NKIRAS1: variants seen among roughly 807,000 people sequenced by gnomAD.
NKIRAS1 encodes NF-kappa-B inhibitor-interacting Ras-like protein 1.
A neutral mutation model predicts 19.8 loss-of-function variants in NKIRAS1; 16 were observed. The ratio of observed to expected loss-of-function variants is 0.81; its 90% CI spans 0.55 to 1.23. The LOEUF (loss-of-function observed/expected upper bound fraction) is 1.23, where lower values mean the gene tolerates loss of function less well. NKIRAS1 is among the 50% of genes most tolerant of loss of function. The pLI is 0.00. For synonymous variants in NKIRAS1, 88 were observed against 79.0 expected (o/e 1.11, Z -0.61); for missense variants, 184 against 220.0 (o/e 0.84, Z 1.04).
intron 1 of NKIRAS1, among the ~76,000 whole-genome samples, chr3:23,940,167 C>CAAAAAAA (rs1559517464): frequency 1.0e-4 from 3 of 28,896 alleles, no homozygotes; most frequent in Non-Finnish European, 1.5e-4. Flanking sequence ...CCCATCTCTA[C>CAAAAAAA]CAAAAAAAAA....
chr3:23,893,009 C>G lies in NKIRAS1; in HGVS notation c.*86G>C. ...AGGACCAAAGGTAGATACAAATGGC[C>G]TATTTTAAATAGTAATATTACTCCA... On this transcript the variant is annotated 3_prime_UTR_variant, in exon 5 of 5. Coordinates refer to ENST00000425478, the MANE Select transcript of NKIRAS1 (RefSeq NM_020345.4). 1 of 1,361,330 alleles carries G rather than the reference C, an allele frequency of 7.3e-7. No homozygotes were observed. The highest frequency in any genetic ancestry group is 9.7e-7 in the Non-Finnish European group (1 of 1,026,646). The allele number at this position is 1,361,330 out of a possible 1,614,324, so 84.3% of individuals were successfully genotyped here.
intron 1 of NKIRAS1, among the ~76,000 whole-genome samples, chr3:23,937,268 G>C (rs1431377127): frequency 6.6e-6 from 1 of 152,102 alleles, no homozygotes; most frequent in Admixed American, 6.5e-5. Flanking sequence ...CTACTCGGTA[G>C]GCTGAGGCAC....
intron 1 of NKIRAS1, among the ~76,000 whole-genome samples, chr3:23,941,767 A>T (rs1705501746): frequency 6.6e-6 from 1 of 152,120 alleles, no homozygotes; most frequent in African/African-American, 2.4e-5. Context: ...AGCCTCTACT[A>T]GTTACTTGCA....
exon 1 of NKIRAS1, chr3:23,946,461 C>T (rs1275949880): frequency 8.8e-6 from 2 of 227,332 alleles, no homozygotes; most frequent in African/African-American, 4.7e-5. Context: ...CGACTCCCCG[C>T]AGACTGGGTA....
upstream of NKIRAS1, chr3:23,919,524 C>A (rs202240092): frequency 1.3e-3 from 2,036 of 1,531,472 alleles, 2 homozygotes; most frequent in Non-Finnish European, 1.7e-3. Flanking sequence ...TTGTAAAATT[C>A]ATACTTAATA....
chr3:23,940,090 G>T (rs1006532276), intron 1 of NKIRAS1, among the ~76,000 whole-genome samples: 3 of 151,062 alleles, frequency 2.0e-5, no homozygotes, highest in Non-Finnish European at 4.4e-5. Context: ...TGGCACTTTG[G>T]GAGGCTGAGG....
intron 1 of NKIRAS1, among the ~76,000 whole-genome samples, chr3:23,914,011 C>T (rs1373697209): frequency 6.6e-6 from 1 of 152,178 alleles, no homozygotes; most frequent in African/African-American, 2.4e-5. Flanking sequence ...CAATAAAATT[C>T]AATCTGTGAC....
chr3:23,943,741 T>C (rs1464875057), intron 1 of NKIRAS1, among the ~76,000 whole-genome samples: 1 of 152,152 alleles, frequency 6.6e-6, no homozygotes, highest in Non-Finnish European at 1.5e-5. Flanking sequence ...CAGCATCACA[T>C]GAGGGTGATA....
chr3:23,904,217 T>C (rs1340961841), intron 3 of NKIRAS1, among the ~76,000 whole-genome samples: 1 of 152,210 alleles, frequency 6.6e-6, no homozygotes, highest in African/African-American at 2.4e-5. Context: ...ACTGGTGTCT[T>C]AGTCCATTTG....
rs1176703778 is a variant in NKIRAS1, at chr3:23,891,605, C to G, written c.*1490G>C. ...TAGCAAGTACATGAGAAATGGGTTC[C>G]GTCATGGATAAATTGGTACCCTGCC... On this transcript the variant is annotated 3_prime_UTR_variant, in exon 5 of 5. Coordinates refer to ENST00000425478, the MANE Select transcript of NKIRAS1 (RefSeq NM_020345.4). The G allele has an allele frequency of 1.3e-5, 2 of 152,148 alleles. No individual in the cohort carries two copies. Among genetic ancestry groups the G allele is most frequent in the Non-Finnish European group, 2.9e-5 (2 of 68,038 alleles). The allele number at this position is 152,148 out of a possible 1,614,324, so 9.4% of individuals were successfully genotyped here. A position where few individuals can be genotyped will look rare whatever the true frequency, so the allele number is the denominator to read the frequency against.
chr3:23,942,490 G>C (rs1318543637), intron 1 of NKIRAS1, among the ~76,000 whole-genome samples: 1 of 152,166 alleles, frequency 6.6e-6, no homozygotes, highest in African/African-American at 2.4e-5. Context: ...GGAGTGCAAC[G>C]GCACGATCTC....
intron 3 of NKIRAS1, among the ~76,000 whole-genome samples, chr3:23,909,017 G>A (rs893522178): frequency 6.6e-6 from 1 of 151,890 alleles, no homozygotes; most frequent in African/African-American, 2.4e-5. Flanking sequence ...TTCTAATACA[G>A]TAAATGTTGG....
intron 3 of NKIRAS1, among the ~76,000 whole-genome samples, chr3:23,907,390 G>T (rs1430456366): frequency 6.6e-6 from 1 of 151,998 alleles, no homozygotes; most frequent in Non-Finnish European, 1.5e-5. Context: ...TGATGGGGGG[G>T]CGGTGTTGGC....
Position 23,893,270 on chromosome 3 carries a change from G to A in NKIRAS1, c.404C>T (p.Ala135Val). The change falls in exon 5 of 5, where the codon GCA (alanine) becomes GTA (valine). Residue 135 changes from alanine (A) to valine (V), a missense_variant. Physicochemically the swap from Ala to Val is moderately conservative, Grantham distance 64. Transcript: ENST00000425478. Reference sequence around the variant, plus strand: ...TTTCTCACTTTTTGCCCACTGCTGTGCCACTTCAGCGTCCACTTGTCTCTG... The same window carrying A: ...TTTCTCACTTTTTGCCCACTGCTGTACCACTTCAGCGTCCACTTGTCTCTG... Reference protein sequence around the residue: ...SEQRQVDAEVAQQWAKSEKVR... With the variant: ...SEQRQVDAEVVQQWAKSEKVR... 6.2e-7 allele frequency: 1 copy of A among 1,614,014 alleles called. No individual in the cohort carries two copies. The highest frequency in any genetic ancestry group is 8.5e-7 in the Non-Finnish European group (1 of 1,179,952).
intron 4 of NKIRAS1, among the ~76,000 whole-genome samples, chr3:23,896,966 G>A (rs778519806): frequency 2.0e-5 from 3 of 152,170 alleles, no homozygotes; most frequent in Non-Finnish European, 4.4e-5. Flanking sequence ...AGCACTTTGG[G>A]AGGCCGAGGC....
At position 23,925,637 on chromosome 3, in the gene NKIRAS1, A is replaced by AAAAAAAAT. The variant is rs1553646005; in HGVS notation, c.-139-14188_-139-14187insATTTTTTT. On this transcript the variant is annotated intron_variant, in intron 1 of 4. Transcript: ENST00000421515. Reference sequence around the variant, plus strand: ...TGACAGAGTAAGACTCTGTCTCAAAAAAATAAATAAATAAATAAATAAATG... The same window carrying AAAAAAAAT: ...TGACAGAGTAAGACTCTGTCTCAAAAAAAAAAATAAATAAATAAATAAATAAATAAATG... 1.1e-4 allele frequency among the ~76,000 whole-genome samples: 17 copies of AAAAAAAAT among 151,456 alleles called. No individual in the cohort carries two copies. In the South Asian group the frequency reaches 2.3e-3, roughly 20 times the overall value.
chr3:23,917,520 C>G (rs1479972675), upstream of NKIRAS1: 1 of 224,704 alleles, frequency 4.5e-6, no homozygotes, highest in Non-Finnish European at 8.7e-6. Context: ...AGTACCTTGT[C>G]CTGTGATGTC....
intron 4 of NKIRAS1, among the ~76,000 whole-genome samples, chr3:23,895,355 G>A (rs1701877636): frequency 6.6e-6 from 1 of 151,990 alleles, no homozygotes; most frequent in South Asian, 2.1e-4. Context: ...TCAGTTCCAG[G>A]CATCCCACTC....
intron 1 of NKIRAS1, chr3:23,945,718 GC>G (rs1366652601): frequency 3.2e-6 from 2 of 630,068 alleles, no homozygotes; most frequent in Non-Finnish European, 4.3e-6. Context: ...GCTGCTGCGC[GC>G]CGCGTGTCCG....
Sources: allele counts gnomAD v4.1 joint callset (sites outside exome capture counted in the v4.1 genomes callset), GRCh38; gene constraint gnomAD v4.1.1; transcripts MANE v1.5; gene names NCBI Gene and HGNC (gene_info 2026-07-23, HGNC 2026-07-21).